Variants in MICU1 observed in about 807,000 individuals in gnomAD.
The protein encoded by MICU1 is mitochondrial calcium uptake 1.
A neutral mutation model predicts 56.8 loss-of-function variants in MICU1; 45 were observed. The observed-to-expected ratio is 0.79, with a 90% CI of 0.62 to 1.02. The LOEUF (loss-of-function observed/expected upper bound fraction) is 1.02, where lower values mean the gene tolerates loss of function less well. Ranked by LOEUF, MICU1 falls within the 50% of genes least tolerant of loss-of-function variation. The pLI is 0.00. For missense variants in MICU1, 504 were observed against 587.1 expected, an observed-to-expected ratio of 0.86 and a Z score of 1.46; for synonymous variants, 186 against 195.1, an observed-to-expected ratio of 0.95 and a Z score of 0.39.
intron 10 of MICU1, among the ~76,000 whole-genome samples, chr10:72,386,223 C>G (rs1862883178): frequency 6.6e-6 from 1 of 152,104 alleles, no homozygotes; most frequent in African/African-American, 2.4e-5. Flanking sequence ...GCTCTGTCGC[C>G]CAGGCTGGAG....
intron 9 of MICU1, among the ~76,000 whole-genome samples, chr10:72,411,432 A>G (rs1863810858): frequency 6.7e-6 from 1 of 150,334 alleles, no homozygotes; most frequent in Non-Finnish European, 1.5e-5. Context: ...GGTTCACGCC[A>G]TTCTCCTACC....
chr10:72,405,440 T>C (rs7909498), intron 10 of MICU1, among the ~76,000 whole-genome samples: 90,564 of 151,692 alleles, frequency 0.6, 27,859 homozygotes, highest in Middle Eastern at 0.67. Flanking sequence ...AGCCTGGTCT[T>C]GAACTCCTGA....
chr10:72,602,420 C>T (rs1343346982), intron 1 of MICU1, among the ~76,000 whole-genome samples: 1 of 151,628 alleles, frequency 6.6e-6, no homozygotes, highest in Non-Finnish European at 1.5e-5. Flanking sequence ...CACTGTACTC[C>T]AGCCTGGGCA....
intron 4 of MICU1, among the ~76,000 whole-genome samples, chr10:72,538,191 T>C (rs778231506): frequency 1.3e-5 from 2 of 152,034 alleles, no homozygotes; most frequent in African/African-American, 2.4e-5. Flanking sequence ...AATATCAATA[T>C]TGACAACTTC....
intron 1 of MICU1, among the ~76,000 whole-genome samples, chr10:72,612,323 C>T (rs1369885040): frequency 6.6e-6 from 1 of 151,464 alleles, no homozygotes; most frequent in Non-Finnish European, 1.5e-5. Flanking sequence ...TAACACAGTA[C>T]ACAAAGTATT....
rs1863898357 is a variant in MICU1 at position 72,413,763 on chromosome 10, G to C, written c.1072-5726C>G. ...ATAAAAAAAAAAGGACTTGTATCCA[G>C]AATTATATAAACAACTATTATAACT... On this transcript the variant is annotated intron_variant, in intron 9 of 11. Coordinates refer to ENST00000361114, the MANE Select transcript of MICU1 (RefSeq NM_001195518.2). Among the ~76,000 whole-genome samples, 6 of 152,050 alleles carry C rather than the reference G, an allele frequency of 3.9e-5. No homozygotes were observed. The South Asian group carries it at 1.2e-3, about 32-fold the overall frequency.
chr10:72,597,734 A>C (rs1240325007), intron 1 of MICU1, among the ~76,000 whole-genome samples: 1 of 152,132 alleles, frequency 6.6e-6, no homozygotes, highest in Non-Finnish European at 1.5e-5. Context: ...CATTTTTTGT[A>C]ATTTTTGCAT....
chr10:72,379,880 G>A (rs961905547), intron 10 of MICU1, among the ~76,000 whole-genome samples: 2 of 152,090 alleles, frequency 1.3e-5, no homozygotes, highest in African/African-American at 4.8e-5. Flanking sequence ...CCTAGCTGGG[G>A]TCCCCTTTCC....
chr10:72,462,173 C>G (rs1390004347), intron 8 of MICU1, among the ~76,000 whole-genome samples: 3 of 151,462 alleles, frequency 2.0e-5, no homozygotes, highest in Non-Finnish European at 4.4e-5. Flanking sequence ...AATTTTTGAA[C>G]TTTATGGTGG....
intron 1 of MICU1, among the ~76,000 whole-genome samples, chr10:72,620,862 A>G (rs1468185824): frequency 6.6e-6 from 1 of 152,098 alleles, no homozygotes; most frequent in Non-Finnish European, 1.5e-5. Context: ...TGCTTTTTCA[A>G]CTGACATTCT....
intron 10 of MICU1, among the ~76,000 whole-genome samples, chr10:72,395,415 T>C (rs919110999): frequency 6.6e-6 from 1 of 152,130 alleles, no homozygotes; most frequent in African/African-American, 2.4e-5. Context: ...ATCTGGTTCA[T>C]CTCATTGGGA....
chr10:72,417,654 A>C (rs988539558), intron 9 of MICU1, among the ~76,000 whole-genome samples: 1 of 152,224 alleles, frequency 6.6e-6, no homozygotes, highest in Admixed American at 6.5e-5. Flanking sequence ...TACATTTATG[A>C]AGTCTCAGAA....
chr10:72,508,623 TAAAC>T lies in MICU1; in HGVS notation c.538-358_538-355del, dbSNP rs199761559. 1,418 of 158,830 alleles carry T rather than the reference TAAAC, an allele frequency of 8.9e-3. 28 individuals carry two copies. The highest frequency in any genetic ancestry group is 0.031 in the African/African-American group (1,313 of 41,808). 9.8% of individuals were successfully genotyped at this position (158,830 alleles called of 1,614,324 possible). A position where few individuals can be genotyped will look rare whatever the true frequency, so the allele number is the denominator to read the frequency against. On this transcript the variant is annotated intron_variant, in intron 5 of 11. Coordinates refer to ENST00000361114, the MANE Select transcript of MICU1 (RefSeq NM_001195518.2). Reference sequence around the variant, plus strand: ...AGAGGTATACGTGGTAGTAAACAAATAAACAAACACATGAAAAAACTAAAAGGAA... The same window carrying T: ...AGAGGTATACGTGGTAGTAAACAAATAAACACATGAAAAAACTAAAAGGAA...
intron 6 of MICU1, among the ~76,000 whole-genome samples, chr10:72,489,293 C>T (rs896352497): frequency 5.2e-4 from 13 of 24,932 alleles, no homozygotes; most frequent in African/African-American, 3.5e-3. Flanking sequence ...GACTCTGTCA[C>T]ACACACACAC....
At chr10:72,420,986 G>A (rs1864141927) in intron 9 of MICU1, among the ~76,000 whole-genome samples, 1 of 124,808 alleles carries the variant, frequency 8.0e-6, no homozygotes, top group Non-Finnish European at 1.6e-5. Flanking sequence ...TGGGCAACAA[G>A]AGCGAAACTC....
At position 72,408,041 on chromosome 10, in the gene MICU1, C is replaced by A. The variant is rs1863685533; in HGVS notation, c.1072-4G>T. ...CCACCTCCTGAAATGTCAGACCCTG[C>A]AAGAGGAGAGACAGCAAGGTAAGGC... On this transcript the variant is annotated splice_region_variant and splice_polypyrimidine_tract_variant and intron_variant, in intron 9 of 11. Transcript: ENST00000361114. 1 of 1,603,902 alleles carries A rather than the reference C, an allele frequency of 6.2e-7. No homozygotes were observed. Among genetic ancestry groups the A allele is most frequent in the Non-Finnish European group, 8.5e-7 (1 of 1,171,770 alleles).
rs1250439855 is a variant in MICU1, at chr10:72,375,705, G to A, written c.1270+78C>T. 64 of 1,339,206 alleles carry A rather than the reference G, an allele frequency of 4.8e-5. No homozygotes were observed. In the South Asian group the frequency reaches 7.6e-4, roughly 16 times the overall value. 83.0% of individuals were successfully genotyped at this position (1,339,206 alleles called of 1,614,324 possible). On this transcript the variant is annotated intron_variant, in intron 11 of 11. Transcript: ENST00000361114. ...ATGGGCTGGTACACAGATGCTGTCCGCAAGGCTCCATTATACACAAGGGCC... is the reference window on the plus strand; with the variant it reads ...ATGGGCTGGTACACAGATGCTGTCCACAAGGCTCCATTATACACAAGGGCC...
chr10:72,551,367 T>TA, intron 3 of MICU1, 26 bp from the exon 4 acceptor site: 1 of 1,577,422 alleles, frequency 6.3e-7, no homozygotes, highest in Non-Finnish European at 8.6e-7. Flanking sequence ...TAGAAAGTGT[T>TA]ACTATATTAA....
intron 1 of MICU1, among the ~76,000 whole-genome samples, chr10:72,609,539 C>A (rs1242755457): frequency 1.3e-5 from 2 of 151,980 alleles, no homozygotes; most frequent in Non-Finnish European, 2.9e-5. Flanking sequence ...TCGAGACCAT[C>A]CTGGCTAACA....
Sources: allele counts gnomAD v4.1 joint callset (sites outside exome capture counted in the v4.1 genomes callset), GRCh38; gene constraint gnomAD v4.1.1; transcripts MANE v1.5; gene names NCBI Gene and HGNC (gene_info 2026-07-23, HGNC 2026-07-21).